The following PRDM1 variants were observed in gnomAD, a reference collection of about 807,000 sequenced individuals.
PRDM1 encodes the protein PR domain zinc finger protein 1.
PRDM1 carries 13 observed loss-of-function variants against 62.8 expected under a neutral mutation model. The ratio of observed to expected loss-of-function variants is 0.21; its 90% CI spans 0.13 to 0.33. The LOEUF is 0.33. Among genes scored for constraint, PRDM1 ranks in the 10% least tolerant of loss-of-function variants. The pLI is 1.00. For missense variants in PRDM1, 895 were observed against 1,058.8 expected (o/e 0.85, Z 2.15); for synonymous variants, 396 against 417.6 (o/e 0.95, Z 0.63).
At chr6:106,093,762 A>T (rs1774020830) in intron 2 of PRDM1, among the ~76,000 whole-genome samples, 1 of 152,232 alleles carries the variant, frequency 6.6e-6, no homozygotes, top group South Asian at 2.1e-4. Flanking sequence ...ACAAACGGTG[A>T]TTAAAAGGGC....
chr6:106,079,315 A>G (rs1304672218), intron 1 of PRDM1, among the ~76,000 whole-genome samples: 3 of 152,064 alleles, frequency 2.0e-5, no homozygotes, highest in Non-Finnish European at 4.4e-5. Context: ...CAGTGAGGGA[A>G]AAAAAAATAA....
intron 1 of PRDM1, among the ~76,000 whole-genome samples, chr6:106,036,785 C>T (rs1772930842): frequency 6.6e-6 from 1 of 152,092 alleles, no homozygotes; most frequent in African/African-American, 2.4e-5. Flanking sequence ...CCTGGTGAAA[C>T]CCCTTCTCTA....
At chr6:106,065,416 A>G (rs1474636042) in intron 1 of PRDM1, among the ~76,000 whole-genome samples, 1 of 152,202 alleles carries the variant, frequency 6.6e-6, no homozygotes, top group Admixed American at 6.5e-5. Flanking sequence ...AGAGCATCCT[A>G]TAATTTAGCT....
At chr6:105,999,816 T>G (rs1772406278) in intron 1 of PRDM1, among the ~76,000 whole-genome samples, 1 of 152,234 alleles carries the variant, frequency 6.6e-6, no homozygotes, top group Non-Finnish European at 1.5e-5. Context: ...TATTTTAAGT[T>G]ATTTTTAAAG....
intron 1 of PRDM1, among the ~76,000 whole-genome samples, chr6:106,074,364 A>C (rs567617424): frequency 2.6e-5 from 4 of 152,214 alleles, no homozygotes; most frequent in Admixed American, 2.6e-4. Flanking sequence ...CTTCCCACTC[A>C]AGTTGCCAGT....
In PRDM1 at chr6:106,105,217, C is replaced by T; in HGVS notation, c.1057C>T (p.His353Tyr). Residue 353 changes from histidine to tyrosine, a missense_variant, in exon 5 of 7, where the codon CAC becomes TAC. Physicochemically the swap from His to Tyr is moderately conservative, Grantham distance 83. Transcript: ENST00000369096. Reference sequence around the variant, plus strand: ...CCAAAGCCTCAAGAGCTCCAGCCCTCACAGCAGCCCTGGGAATACGGTGTC... The same window carrying T: ...CCAAAGCCTCAAGAGCTCCAGCCCTTACAGCAGCCCTGGGAATACGGTGTC... Reference protein sequence around the residue: ...PDQSLKSSSPHSSPGNTVSPV... With the variant: ...PDQSLKSSSPYSSPGNTVSPV... The T allele has an allele frequency of 1.2e-6, 2 of 1,613,840 alleles. No homozygotes were observed. The highest frequency in any genetic ancestry group is 8.5e-7 in the Non-Finnish European group (1 of 1,180,020).
intron 1 of PRDM1, among the ~76,000 whole-genome samples, chr6:106,071,765 AC>A (rs1387284938): frequency 6.6e-6 from 1 of 150,498 alleles, no homozygotes; most frequent in Non-Finnish European, 1.5e-5. Flanking sequence ...ATGTTCCACA[AC>A]CACAGTATAT....
chr6:105,992,797 G>A (rs893913359), upstream of PRDM1, among the ~76,000 whole-genome samples: 24 of 152,356 alleles, frequency 1.6e-4, no homozygotes, highest in African/African-American at 4.6e-4. Flanking sequence ...ACGTCCCTTA[G>A]CCTGGGAGTT....
chr6:106,006,095 G>A (rs568106174), intron 1 of PRDM1, among the ~76,000 whole-genome samples: 43 of 152,248 alleles, frequency 2.8e-4, no homozygotes, highest in East Asian at 1.7e-3. Flanking sequence ...TCCTTCTCAC[G>A]AAGGTGTCCG....
intron 3 of PRDM1, chr6:106,098,508 G>A: frequency 8.2e-7 from 1 of 1,225,190 alleles, no homozygotes; most frequent in South Asian, 1.5e-5. Context: ...ACACGCCTAT[G>A]GCTCTGTGTG....
intron 2 of PRDM1, 89 bp from the exon 3 acceptor site, chr6:106,095,526 A>G (rs1774089834): frequency 7.0e-7 from 1 of 1,427,932 alleles, no homozygotes; most frequent in Non-Finnish European, 9.6e-7. Flanking sequence ...TAGTTGTATT[A>G]CTACTTGACA....
At chr6:106,023,524 C>G (rs899400067) in intron 1 of PRDM1, among the ~76,000 whole-genome samples, 1 of 152,144 alleles carries the variant, frequency 6.6e-6, no homozygotes, top group Non-Finnish European at 1.5e-5. Flanking sequence ...GACCAGCCCT[C>G]CCCTCCTCTA....
chr6:106,105,591 G>A lies in PRDM1; in HGVS notation c.1431G>A (p.Arg477=), dbSNP rs780879815. 1.1e-5 allele frequency: 17 copies of A among 1,613,082 alleles called. No individual in the cohort carries two copies. The highest frequency in any genetic ancestry group is 8.3e-5 in the Admixed American group (5 of 59,986). ...CGCTGCCCTCAGATGGAGCCCGGAG[G>A]TTGCTCCAGCCGGAGCATCCCAGGG... is the stretch of plus-strand genomic sequence containing the variant. ...PSSLPSDGAR[R]LLQPEHPREV... The change falls in exon 5 of 7, where the codon AGG becomes AGA. Residue 477 remains arginine, a synonymous_variant. Transcript: ENST00000369096.
intron 1 of PRDM1, among the ~76,000 whole-genome samples, chr6:106,072,627 T>C (rs1050823965): frequency 2.6e-5 from 4 of 152,220 alleles, no homozygotes; most frequent in African/African-American, 9.6e-5. Context: ...TCAGCATCAC[T>C]TTGGGGGGCT....
At chr6:106,074,508 C>A (rs558174322) in intron 1 of PRDM1, among the ~76,000 whole-genome samples, 1 of 152,076 alleles carries the variant, frequency 6.6e-6, no homozygotes, top group South Asian at 2.1e-4. Flanking sequence ...GTTATAATTA[C>A]GTAACTTAAT....
intron 1 of PRDM1, among the ~76,000 whole-genome samples, chr6:106,079,906 A>G (rs1773665897): frequency 6.6e-6 from 1 of 152,212 alleles, no homozygotes; most frequent in African/African-American, 2.4e-5. Context: ...TCTTTAGGCT[A>G]TTGAGCAGGG....
At chr6:106,089,889 G>T (rs1773915334) in intron 2 of PRDM1, among the ~76,000 whole-genome samples, 1 of 152,152 alleles carries the variant, frequency 6.6e-6, no homozygotes, top group Non-Finnish European at 1.5e-5. Flanking sequence ...GTGCTGTGTT[G>T]CCCTGTCCAG....
rs1016117219 is a variant in PRDM1 at position 106,109,744 on chromosome 6, C to A, written c.*2258C>A. The A allele has an allele frequency of 4.3e-6, 1 of 233,112 alleles. No homozygotes were observed. The highest frequency in any genetic ancestry group is 2.2e-5 in the African/African-American group (1 of 45,310). The allele number at this position is 233,112 out of a possible 1,614,324, so 14.4% of individuals were successfully genotyped here. A position where few individuals can be genotyped will look rare whatever the true frequency, so the allele number is the denominator to read the frequency against. ...CCATCCTTCTCTTTTCTGCCTCTTA[C>A]ATGTGAATGTTGAGCCCACAATCAA... is the stretch of plus-strand genomic sequence containing the variant. On this transcript the variant is annotated 3_prime_UTR_variant, in exon 7 of 7. Coordinates refer to ENST00000369096, the MANE Select transcript of PRDM1 (RefSeq NM_001198.4).
chr6:106,065,376 G>T (rs190810472), intron 1 of PRDM1, among the ~76,000 whole-genome samples: 2 of 152,086 alleles, frequency 1.3e-5, no homozygotes, highest in Admixed American at 1.3e-4. Context: ...ATCCATAAGA[G>T]CCAGGCCCTA....
Sources: gnomAD v4.1 joint callset for allele counts (sites outside exome capture counted in the v4.1 genomes callset) on GRCh38, gnomAD v4.1.1 for gene constraint, MANE v1.5 for transcripts, NCBI Gene and HGNC (gene_info 2026-07-23, HGNC 2026-07-21) for gene names.